Variants in DCC observed in about 807,000 individuals in gnomAD.
The protein encoded by DCC is netrin receptor DCC.
In DCC, 58 loss-of-function variants were observed where a neutral mutation model predicts 172.5. The ratio of observed to expected loss-of-function variants is 0.34; its 90% CI spans 0.27 to 0.42. The LOEUF (loss-of-function observed/expected upper bound fraction) is 0.42. Among genes scored for constraint, DCC ranks in the 10% least tolerant of loss-of-function variants. DCC has a pLI of 1.00. For missense variants in DCC, 1,740 were observed against 1,791.0 expected (o/e 0.97, Z 0.51); for synonymous variants, 709 against 644.5 (o/e 1.10, Z -1.52).
At chr18:52,811,576 G>A (rs970806591) in intron 2 of DCC, among the ~76,000 whole-genome samples, 2 of 150,678 alleles carry the variant, frequency 1.3e-5, no homozygotes, top group Admixed American at 6.6e-5. Flanking sequence ...ACATTAAATT[G>A]AGTAACTGGT....
chr18:52,657,788 T>C (rs76535925), intron 1 of DCC, among the ~76,000 whole-genome samples: 1,820 of 152,284 alleles, frequency 0.012, 33 homozygotes, highest in African/African-American at 0.042. Flanking sequence ...TCTCCCTCTT[T>C]TTCCTTAGTG....
chr18:52,776,437 A>G (rs150639161), intron 2 of DCC, among the ~76,000 whole-genome samples: 1 of 152,174 alleles, frequency 6.6e-6, no homozygotes, highest in African/African-American at 2.4e-5. Flanking sequence ...AGTCTATAAG[A>G]TCTGTTCTAT....
At chr18:53,022,444 C>A (rs1175954556) in intron 5 of DCC, among the ~76,000 whole-genome samples, 1 of 151,776 alleles carries the variant, frequency 6.6e-6, no homozygotes, top group Non-Finnish European at 1.5e-5. Flanking sequence ...GTAGTTAAAA[C>A]AATGGCAGGA....
chr18:53,118,648 T>C (rs2043440608), intron 7 of DCC, among the ~76,000 whole-genome samples: 1 of 151,802 alleles, frequency 6.6e-6, no homozygotes, highest in African/African-American at 2.4e-5. Context: ...CAATATACAT[T>C]AAGTCCTTTA....
At chr18:52,954,223 T>G (rs1456631483) in intron 5 of DCC, among the ~76,000 whole-genome samples, 1 of 152,178 alleles carries the variant, frequency 6.6e-6, no homozygotes, top group African/African-American at 2.4e-5. Context: ...AGAATACTTG[T>G]GGTTAAGCCT....
At chr18:53,475,374 C>T (rs1444877875) in intron 25 of DCC, among the ~76,000 whole-genome samples, 1 of 152,228 alleles carries the variant, frequency 6.6e-6, no homozygotes, top group Non-Finnish European at 1.5e-5. Flanking sequence ...CCCCTCACAT[C>T]ATGGCCCTGG....
At chr18:52,700,161 TGCACAC>T (rs1349595507) in intron 1 of DCC, among the ~76,000 whole-genome samples, 2 of 150,324 alleles carry the variant, frequency 1.3e-5, no homozygotes, top group Non-Finnish European at 3.0e-5. Flanking sequence ...CACACACACA[TGCACAC>T]GCACACACAC....
chr18:53,349,160 A>G (rs1184648718), intron 15 of DCC, among the ~76,000 whole-genome samples: 1 of 152,160 alleles, frequency 6.6e-6, no homozygotes, highest in Non-Finnish European at 1.5e-5. Flanking sequence ...TGAGAAATTT[A>G]TTCCGCTAGA....
intron 15 of DCC, among the ~76,000 whole-genome samples, chr18:53,351,299 A>ATATATATATATACACTG (rs2057790966): frequency 3.6e-5 from 1 of 27,582 alleles, no homozygotes; most frequent in African/African-American, 6.9e-5. Flanking sequence ...CAGTATATAT[A>ATATATATATATACACTG]TATATATATA....
At chr18:52,918,005 A>G (rs953578636) in intron 3 of DCC, among the ~76,000 whole-genome samples, 1 of 152,182 alleles carries the variant, frequency 6.6e-6, no homozygotes, top group Non-Finnish European at 1.5e-5. Flanking sequence ...GCTGGCTTGA[A>G]TAAAACTATT....
intron 1 of DCC, among the ~76,000 whole-genome samples, chr18:52,529,617 G>T (rs1264926325): frequency 6.6e-6 from 1 of 152,184 alleles, no homozygotes; most frequent in African/African-American, 2.4e-5. Context: ...GTAACACGCT[G>T]TTATTTCCTC....
intron 1 of DCC, among the ~76,000 whole-genome samples, chr18:52,442,291 T>C (rs1284179507): frequency 1.3e-5 from 2 of 152,228 alleles, no homozygotes; most frequent in African/African-American, 4.8e-5. Flanking sequence ...GAAATGGTCC[T>C]GTAACTAAAA....
chr18:53,219,796 A>G (rs1052269807), intron 12 of DCC, among the ~76,000 whole-genome samples: 1 of 152,178 alleles, frequency 6.6e-6, no homozygotes. Context: ...CAGCAATCAT[A>G]TGATTTCCTT....
intron 12 of DCC, among the ~76,000 whole-genome samples, chr18:53,285,022 G>A (rs1346860623): frequency 6.6e-6 from 1 of 152,030 alleles, no homozygotes; most frequent in Admixed American, 6.6e-5. Context: ...GCATTCGAGA[G>A]GTAACTTGGC....
intron 2 of DCC, among the ~76,000 whole-genome samples, chr18:52,798,022 A>G (rs2037909960): frequency 7.4e-6 from 1 of 135,236 alleles, no homozygotes; most frequent in Non-Finnish European, 1.7e-5. Context: ...GGGAAGATTA[A>G]TCCCCAGATG....
At chr18:53,170,588 T>C (rs749292861) in intron 8 of DCC, among the ~76,000 whole-genome samples, 26 of 152,202 alleles carry the variant, frequency 1.7e-4, no homozygotes, top group South Asian at 8.3e-4. Context: ...TTATTTCTTA[T>C]GAAGTTGTGG....
At chr18:53,468,917 C>T (rs1177237338) in intron 25 of DCC, among the ~76,000 whole-genome samples, 1 of 152,066 alleles carries the variant, frequency 6.6e-6, no homozygotes, top group Non-Finnish European at 1.5e-5. Context: ...CATCTGATAC[C>T]CTAGATGGTT....
intron 1 of DCC, among the ~76,000 whole-genome samples, chr18:52,389,789 A>T (rs1985958179): frequency 6.6e-6 from 1 of 152,032 alleles, no homozygotes; most frequent in Non-Finnish European, 1.5e-5. Context: ...CCATCATTTG[A>T]TTTATTTTAC....
intron 1 of DCC, among the ~76,000 whole-genome samples, chr18:52,655,956 ATG>A (rs58903211): frequency 0.54 from 72,690 of 134,880 alleles, 20,184 homozygotes; most frequent in East Asian, 0.74. Context: ...TTAAATATAT[ATG>A]TGTGTGTGTG....
Sources: allele counts gnomAD v4.1 joint callset (sites outside exome capture counted in the v4.1 genomes callset), GRCh38; gene constraint gnomAD v4.1.1; transcripts MANE v1.5; gene names NCBI Gene and HGNC (gene_info 2026-07-23, HGNC 2026-07-21).